TMEM170B: variants seen among roughly 807,000 people sequenced by gnomAD.
TMEM170B encodes the protein transmembrane protein 170B.
A neutral mutation model predicts 13.0 loss-of-function variants in TMEM170B; 6 were observed. The observed-to-expected ratio is 0.46, with a 90% CI of 0.25 to 0.91. TMEM170B has a LOEUF of 0.91. TMEM170B is among the 40% of genes least tolerant of loss of function. TMEM170B has a pLI of 0.17. For missense variants in TMEM170B, 138 were observed against 165.2 expected, an observed-to-expected ratio of 0.84 and a Z score of 0.90; for synonymous variants, 61 against 64.9, an observed-to-expected ratio of 0.94 and a Z score of 0.29.
chr6:11,575,280 A>G lies in TMEM170B; in HGVS notation c.269-151A>G, dbSNP rs1759858841. 1 of 1,085,476 alleles carries G rather than the reference A, an allele frequency of 9.2e-7. No individual in the cohort carries two copies. The highest frequency in any genetic ancestry group is 2.6e-5 in the Admixed American group (1 of 39,142). The allele number at this position is 1,085,476 out of a possible 1,614,324, so 67.2% of individuals were successfully genotyped here. ...TGGTAAGTTGTAACTTTCACCAATCACAGGGAAACTTTTTCATAGAAAGTG... is the reference window on the plus strand; with the variant it reads ...TGGTAAGTTGTAACTTTCACCAATCGCAGGGAAACTTTTTCATAGAAAGTG... On this transcript the variant is annotated intron_variant, in intron 2 of 2. Transcript: ENST00000379426. This position sits in a 1 kb window ranked among gnomAD's most constrained non-coding sequence, Gnocchi z 4.1.
At chr6:11,548,014 G>A (rs1322263218) in intron 1 of TMEM170B, among the ~76,000 whole-genome samples, 2 of 152,160 alleles carry the variant, frequency 1.3e-5, no homozygotes, top group Admixed American at 6.6e-5. Context: ...GAGAGAGGAG[G>A]TAGGGATGGG....
chr6:11,572,595 G>C (rs547407763), intron 2 of TMEM170B, among the ~76,000 whole-genome samples: 2 of 152,176 alleles, frequency 1.3e-5, no homozygotes, highest in Non-Finnish European at 2.9e-5. Flanking sequence ...TTAAGTTAGA[G>C]TTTAAAAATT....
chr6:11,538,268 C>G lies in TMEM170B; in HGVS notation c.-10C>G. On this transcript the variant is annotated 5_prime_UTR_variant, in exon 1 of 3. Transcript: ENST00000379426. The stretch of plus-strand genomic sequence containing the variant: ...CCCGAGGAGAGGGCGGCGGGCGCCC[C>G]TCGGGGAAGATGAAGGCGGAGGGGG... 2 of 1,354,672 alleles carry G rather than the reference C, an allele frequency of 1.5e-6. No homozygotes were observed. The highest frequency in any genetic ancestry group is 1.9e-6 in the Non-Finnish European group (2 of 1,051,616). The allele number at this position is 1,354,672 out of a possible 1,614,324, so 83.9% of individuals were successfully genotyped here. A position where few individuals can be genotyped will look rare whatever the true frequency, so the allele number is the denominator to read the frequency against.
chr6:11,549,142 A>G (rs1009253758), intron 1 of TMEM170B, among the ~76,000 whole-genome samples: 1 of 152,236 alleles, frequency 6.6e-6, no homozygotes, highest in Non-Finnish European at 1.5e-5. Context: ...AACTTATTGT[A>G]GTATCAGATG....
intron 1 of TMEM170B, among the ~76,000 whole-genome samples, chr6:11,546,346 A>G (rs1179683479): frequency 6.6e-6 from 1 of 152,122 alleles, no homozygotes; most frequent in African/African-American, 2.4e-5. Context: ...GCTAAATGTT[A>G]TTAGAAAATA....
chr6:11,562,322 G>A (rs978048469), intron 1 of TMEM170B, among the ~76,000 whole-genome samples: 15 of 151,204 alleles, frequency 9.9e-5, no homozygotes, highest in African/African-American at 3.7e-4. Context: ...GTAATGATCT[G>A]AAATACTGTT....
In TMEM170B at chr6:11,574,471, G is replaced by A. The variant is rs555263433; in HGVS notation, c.269-960G>A. Among the ~76,000 whole-genome samples, 67 of 152,132 alleles carry A rather than the reference G, an allele frequency of 4.4e-4. 1 individual carries two copies. Among genetic ancestry groups the A allele is most frequent in the African/African-American group, 1.5e-3 (62 of 41,534 alleles). On this transcript the variant is annotated intron_variant, in intron 2 of 2. Transcript: ENST00000379426. ...TTCTAATTTTCATGAGTAGGTTTCCGTCTTAATTGTAATTGTCAATTCAGT... is the reference window on the plus strand; with the variant it reads ...TTCTAATTTTCATGAGTAGGTTTCCATCTTAATTGTAATTGTCAATTCAGT...
rs1187375658 is a variant in TMEM170B, at chr6:11,580,215, G to A, written c.*4654G>A. The A allele has an allele frequency of 6.6e-6, 1 of 152,122 alleles. No homozygotes were observed. The highest frequency in any genetic ancestry group is 1.9e-4 in the East Asian group (1 of 5,188). The allele number at this position is 152,122 out of a possible 1,614,324, so 9.4% of individuals were successfully genotyped here. On this transcript the variant is annotated 3_prime_UTR_variant, in exon 3 of 3. Transcript: ENST00000379426. ...TTTTAGTAGAGACAGATTTCTCTAT[G>A]TTGGTCAGGCTGGTCTCAAACTCCC...
Position 11,577,682 on chromosome 6 carries a change from G to A in TMEM170B, c.*2121G>A, listed in dbSNP as rs1180551914. The A allele has an allele frequency of 6.6e-6, 1 of 152,050 alleles. No homozygotes were observed. Among genetic ancestry groups the A allele is most frequent in the Non-Finnish European group, 1.5e-5 (1 of 67,938 alleles). 9.4% of individuals were successfully genotyped at this position (152,050 alleles called of 1,614,324 possible). A position where few individuals can be genotyped will look rare whatever the true frequency, so the allele number is the denominator to read the frequency against. ...TTGGATACATTAAATGTACTAATGT[G>A]TGGACCAAAGAGATTTAAACTATTG... On this transcript the variant is annotated 3_prime_UTR_variant, in exon 3 of 3. Coordinates refer to ENST00000379426, the MANE Select transcript of TMEM170B (RefSeq NM_001100829.3).
At chr6:11,551,405 A>T (rs1759523726) in intron 1 of TMEM170B, among the ~76,000 whole-genome samples, 1 of 152,176 alleles carries the variant, frequency 6.6e-6, no homozygotes, top group Admixed American at 6.5e-5. Context: ...GGCCTGCTGG[A>T]TGCTGGCTAA....
chr6:11,567,736 AG>A (rs1759754344), intron 2 of TMEM170B, among the ~76,000 whole-genome samples: 1 of 152,202 alleles, frequency 6.6e-6, no homozygotes, highest in Non-Finnish European at 1.5e-5. Context: ...GGTTTTAAAC[AG>A]GTACTCAGGT....
intron 1 of TMEM170B, among the ~76,000 whole-genome samples, chr6:11,550,906 T>C (rs1307453359): frequency 6.6e-6 from 1 of 152,232 alleles, no homozygotes; most frequent in Non-Finnish European, 1.5e-5. Context: ...TCAAGAAGCT[T>C]ATATTCTTGA....
chr6:11,546,872 A>G lies in TMEM170B; in HGVS notation c.97+8498A>G, dbSNP rs115359611. 9.2e-3 allele frequency among the ~76,000 whole-genome samples: 1,404 copies of G among 152,330 alleles called. 14 individuals are homozygous for G. The highest frequency in any genetic ancestry group is 0.011 in the Non-Finnish European group (740 of 68,016). On this transcript the variant is annotated intron_variant, in intron 1 of 2. Coordinates refer to ENST00000379426, the MANE Select transcript of TMEM170B (RefSeq NM_001100829.3). ...ATGTATCCCCGTCATTAGGCAACAC[A>G]TGCCTGTACTATGTTTTTTCCTACA...
chr6:11,553,544 GTT>G (rs1416142753), intron 1 of TMEM170B, among the ~76,000 whole-genome samples: 1 of 151,834 alleles, frequency 6.6e-6, no homozygotes, highest in Non-Finnish European at 1.5e-5. Context: ...CTACTAGCTA[GTT>G]TTTTTTACTT....
rs1469422292 is a variant in TMEM170B at position 11,578,090 on chromosome 6, A to G, written c.*2529A>G. The G allele has an allele frequency of 6.6e-6, 1 of 152,146 alleles. No homozygotes were observed. Among genetic ancestry groups the G allele is most frequent in the Non-Finnish European group, 1.5e-5 (1 of 67,982 alleles). 9.4% of individuals were successfully genotyped at this position (152,146 alleles called of 1,614,324 possible). On this transcript the variant is annotated 3_prime_UTR_variant, in exon 3 of 3. Transcript: ENST00000379426. Reference sequence around the variant, plus strand: ...CTATATATGAATACAGTCTACTTGGAAAGCTTTTTTTCAGTGAACACTTTC... The same window carrying G: ...CTATATATGAATACAGTCTACTTGGGAAGCTTTTTTTCAGTGAACACTTTC...
chr6:11,570,379 T>G (rs146011068), intron 2 of TMEM170B, among the ~76,000 whole-genome samples: 1 of 152,004 alleles, frequency 6.6e-6, no homozygotes, highest in Non-Finnish European at 1.5e-5. Context: ...TTTGGAGAGA[T>G]AAGATGAATA....
rs1759952424 is a variant in TMEM170B, at chr6:11,581,255, T to C, written c.*5694T>C. The stretch of plus-strand genomic sequence containing the variant: ...CTGATTTTGAGAACGAATTTAGCAA[T>C]TTCCTAAAAATCTTCCTCCTCTTTC... On this transcript the variant is annotated 3_prime_UTR_variant, in exon 3 of 3. Transcript: ENST00000379426. 6.6e-6 allele frequency: 1 copy of C among 152,224 alleles called. No individual in the cohort carries two copies. Among genetic ancestry groups the C allele is most frequent in the Admixed American group, 6.5e-5 (1 of 15,278 alleles). 9.4% of individuals were successfully genotyped at this position (152,224 alleles called of 1,614,324 possible).
At chr6:11,561,753 G>A (rs765672678) in intron 1 of TMEM170B, among the ~76,000 whole-genome samples, 1 of 152,106 alleles carries the variant, frequency 6.6e-6, no homozygotes, top group African/African-American at 2.4e-5. Flanking sequence ...TGACATTAGG[G>A]TACTTTGTTC....
rs1229948463 is a variant in TMEM170B, at chr6:11,537,804, C to T, written c.-474C>T. Among the ~76,000 whole-genome samples the T allele has an allele frequency of 6.6e-6, 1 of 151,554 alleles. No individual in the cohort carries two copies. The highest frequency in any genetic ancestry group is 1.5e-5 in the Non-Finnish European group (1 of 67,772). On this transcript the variant is annotated 5_prime_UTR_variant, in exon 1 of 3. Coordinates refer to ENST00000379426, the MANE Select transcript of TMEM170B (RefSeq NM_001100829.3). Reference sequence around the variant, plus strand: ...GGCGGGCGGCAGGTGCCGCCGCAGCCTCTGGCTGGTCCCGCGTCTCCGTCC... The same window carrying T: ...GGCGGGCGGCAGGTGCCGCCGCAGCTTCTGGCTGGTCCCGCGTCTCCGTCC...
Sources: allele counts gnomAD v4.1 joint callset (sites outside exome capture counted in the v4.1 genomes callset), GRCh38; gene constraint gnomAD v4.1.1; non-coding constraint Gnocchi (gnomAD v3.1); transcripts MANE v1.5; gene names NCBI Gene and HGNC (gene_info 2026-07-23, HGNC 2026-07-21).